Variants in ANGPT1 observed in about 807,000 individuals in gnomAD.
The protein encoded by ANGPT1 is angiopoietin-1.
Under a neutral mutation model 62.2 loss-of-function variants are expected in ANGPT1, and 17 were observed. That is an observed-to-expected ratio of 0.27 (90% CI 0.19 to 0.41). ANGPT1 has a LOEUF of 0.41. Ranked by LOEUF, ANGPT1 falls within the 10% of genes least tolerant of loss-of-function variation. The pLI, the probability that ANGPT1 is intolerant of heterozygous loss-of-function variation, is 1.00. For missense variants in ANGPT1, 478 were observed against 594.9 expected, an observed-to-expected ratio of 0.80 and a Z score of 2.04; for synonymous variants, 199 against 198.9, an observed-to-expected ratio of 1.00 and a Z score of 0.00.
At chr8:107,467,661 T>C (rs535502190) in intron 1 of ANGPT1, among the ~76,000 whole-genome samples, 1 of 152,168 alleles carries the variant, frequency 6.6e-6, no homozygotes, top group South Asian at 2.1e-4. Flanking sequence ...CTGTGTTCAG[T>C]CCTGAAGATA....
At chr8:107,414,321 A>G (rs2130362808) in intron 1 of ANGPT1, among the ~76,000 whole-genome samples, 1 of 152,298 alleles carries the variant, frequency 6.6e-6, no homozygotes, top group South Asian at 2.1e-4. Context: ...AAAATAGTCA[A>G]AAGAAGATTT....
intron 1 of ANGPT1, among the ~76,000 whole-genome samples, chr8:107,373,248 AT>A (rs1371496074): frequency 2.0e-5 from 3 of 147,318 alleles, no homozygotes; most frequent in Non-Finnish European, 4.5e-5. Flanking sequence ...CTTCAACACT[AT>A]TTTTAGTCAA....
intron 1 of ANGPT1, among the ~76,000 whole-genome samples, chr8:107,414,997 T>C (rs1810699082): frequency 6.6e-6 from 1 of 152,194 alleles, no homozygotes; most frequent in African/African-American, 2.4e-5. Flanking sequence ...AGGCCTAAAA[T>C]ACACTTCTTG....
At chr8:107,492,722 C>T (rs1029461411) in intron 1 of ANGPT1, among the ~76,000 whole-genome samples, 1 of 150,180 alleles carries the variant, frequency 6.7e-6, no homozygotes, top group Non-Finnish European at 1.5e-5. Context: ...GTTGCACAGC[C>T]ACCACCGGCC....
chr8:107,478,633 G>C (rs1168145502), intron 1 of ANGPT1, among the ~76,000 whole-genome samples: 1 of 152,132 alleles, frequency 6.6e-6, no homozygotes, highest in Non-Finnish European at 1.5e-5. Context: ...TCATAAAAGA[G>C]AAAATGTTTA....
At chr8:107,306,833 C>T (rs6980705) in intron 4 of ANGPT1, among the ~76,000 whole-genome samples, 6,904 of 151,702 alleles carry the variant, frequency 0.046, 413 homozygotes, top group African/African-American at 0.14. Context: ...TCCCTTGAGG[C>T]CAGGAGTTCA....
intron 7 of ANGPT1, among the ~76,000 whole-genome samples, chr8:107,276,647 G>A (rs1387541117): frequency 2.0e-5 from 3 of 152,082 alleles, no homozygotes; most frequent in Non-Finnish European, 2.9e-5. Context: ...AAAATGGATT[G>A]GGGAACTGGA....
At chr8:107,390,234 A>G (rs1816808935) in intron 1 of ANGPT1, among the ~76,000 whole-genome samples, 1 of 152,180 alleles carries the variant, frequency 6.6e-6, no homozygotes, top group Non-Finnish European at 1.5e-5. Context: ...GTATGTGACT[A>G]TTAGAAAGGG....
chr8:107,375,114 C>T (rs1816503227), intron 1 of ANGPT1, among the ~76,000 whole-genome samples: 1 of 152,032 alleles, frequency 6.6e-6, no homozygotes, highest in African/African-American at 2.4e-5. Context: ...GAGCCGAGAT[C>T]ATGCCACTGC....
At chr8:107,336,083 T>C (rs962251451) in intron 3 of ANGPT1, 67 bp downstream of exon 3, 34 of 1,436,034 alleles carry the variant, frequency 2.4e-5, no homozygotes, top group African/African-American at 2.2e-4. Flanking sequence ...TGTTTAAGAG[T>C]TGGCAGAGAG....
At chr8:107,376,358 G>T (rs1816530440) in intron 1 of ANGPT1, among the ~76,000 whole-genome samples, 1 of 152,156 alleles carries the variant, frequency 6.6e-6, no homozygotes, top group Non-Finnish European at 1.5e-5. Context: ...GGGGAACCCT[G>T]AGTTCTTTTC....
chr8:107,363,121 A>G (rs1056149893), intron 1 of ANGPT1, among the ~76,000 whole-genome samples: 10 of 149,378 alleles, frequency 6.7e-5, no homozygotes, highest in African/African-American at 2.2e-4. Flanking sequence ...CTTGTCAGCC[A>G]TATGAACTCC....
intron 1 of ANGPT1, among the ~76,000 whole-genome samples, chr8:107,443,572 G>A (rs1292361848): frequency 1.3e-5 from 2 of 151,900 alleles, no homozygotes; most frequent in Non-Finnish European, 2.9e-5. Flanking sequence ...ACTTTGGGAG[G>A]CTGAGGCGGG....
At chr8:107,401,451 A>G (rs1322582837) in intron 1 of ANGPT1, among the ~76,000 whole-genome samples, 2 of 152,232 alleles carry the variant, frequency 1.3e-5, no homozygotes, top group African/African-American at 4.8e-5. Context: ...AGCTGTTTCT[A>G]CAGGTTGGAA....
At chr8:107,306,691 T>C (rs1267868622) in intron 4 of ANGPT1, among the ~76,000 whole-genome samples, 1 of 151,894 alleles carries the variant, frequency 6.6e-6, no homozygotes, top group Non-Finnish European at 1.5e-5. Context: ...TGAGCTTCAG[T>C]TAGATAGAAG....
intron 4 of ANGPT1, among the ~76,000 whole-genome samples, chr8:107,309,117 G>A (rs763463073): frequency 1.4e-4 from 22 of 152,060 alleles, no homozygotes; most frequent in Non-Finnish European, 2.6e-4. Flanking sequence ...AAAAGCCAAA[G>A]CCCTTTCTCT....
chr8:107,379,330 G>A (rs1028477536), intron 1 of ANGPT1, among the ~76,000 whole-genome samples: 3 of 152,228 alleles, frequency 2.0e-5, no homozygotes, highest in Admixed American at 6.5e-5. Flanking sequence ...AAGTCATCAC[G>A]TCTAAGTGTC....
chr8:107,346,211 T>C (rs1178887597), intron 2 of ANGPT1, among the ~76,000 whole-genome samples: 1 of 152,186 alleles, frequency 6.6e-6, no homozygotes, highest in Non-Finnish European at 1.5e-5. Context: ...ATATTTCAGC[T>C]TTCATGTCAG....
chr8:107,424,261 C>G (rs1009746319), intron 1 of ANGPT1, among the ~76,000 whole-genome samples: 1 of 151,824 alleles, frequency 6.6e-6, no homozygotes, highest in Non-Finnish European at 1.5e-5. Context: ...ATTTTGGAGG[C>G]CAAGCAGACA....
Sources: allele counts gnomAD v4.1 joint callset (sites outside exome capture counted in the v4.1 genomes callset), GRCh38; gene constraint gnomAD v4.1.1; transcripts MANE v1.5; gene names NCBI Gene and HGNC (gene_info 2026-07-23, HGNC 2026-07-21).